The following LINGO2 variants were observed in gnomAD, a reference collection of about 807,000 sequenced individuals.
LINGO2 encodes the protein leucine rich repeat and Ig domain containing 2, also known as leucine-rich repeat and immunoglobulin-like domain-containing nogo receptor-interacting protein 2.
A neutral mutation model predicts 30.6 loss-of-function variants in LINGO2; 14 were observed. The ratio of observed to expected loss-of-function variants is 0.46; its 90% CI spans 0.30 to 0.72. The LOEUF (loss-of-function observed/expected upper bound fraction) is 0.72, where lower values mean the gene tolerates loss of function less well. LINGO2 is among the 30% of genes least tolerant of loss of function. The probability of loss-of-function intolerance (pLI) is 0.07; values close to 1 mark genes in which losing one functional copy is unlikely to be tolerated. For missense variants in LINGO2, 729 were observed against 751.7 expected (o/e 0.97, Z 0.35); for synonymous variants, 317 against 288.5 (o/e 1.10, Z -1.00).
chr9:28,136,369 A>T (rs1324963828), intron 4 of LINGO2, among the ~76,000 whole-genome samples: 2 of 152,226 alleles, frequency 1.3e-5, no homozygotes, highest in Non-Finnish European at 2.9e-5. Context: ...GACACTATCC[A>T]GGTTCCCACA....
chr9:28,756,343 C>G, the LINGO2 span, among the ~76,000 whole-genome samples: 6 of 151,946 alleles, frequency 3.9e-5, no homozygotes, highest in East Asian at 1.2e-3. Flanking sequence ...TGCCTGTACC[C>G]TCAATGTGTC....
intron 2 of LINGO2, among the ~76,000 whole-genome samples, chr9:28,437,945 T>G (rs2134996497): frequency 6.6e-6 from 1 of 152,322 alleles, no homozygotes; most frequent in African/African-American, 2.4e-5. Flanking sequence ...AATGTATTTC[T>G]TACAAAGAAA....
At chr9:28,055,030 T>C (rs1009848691) in intron 4 of LINGO2, among the ~76,000 whole-genome samples, 5 of 142,522 alleles carry the variant, frequency 3.5e-5, no homozygotes, top group Admixed American at 2.1e-4. Flanking sequence ...CGCACAAACT[T>C]GCAAAAAAAA....
intron 4 of LINGO2, among the ~76,000 whole-genome samples, chr9:28,282,064 G>A (rs1206834433): frequency 1.3e-5 from 2 of 152,134 alleles, no homozygotes. Context: ...CATGCCAGAT[G>A]TAGAGGCCAG....
intron 4 of LINGO2, among the ~76,000 whole-genome samples, chr9:28,024,082 A>G (rs981457295): frequency 7.2e-5 from 11 of 152,072 alleles, no homozygotes; most frequent in Non-Finnish European, 1.3e-4. Flanking sequence ...GTTTGCTCAG[A>G]TTTTTCTAGT....
the LINGO2 span, among the ~76,000 whole-genome samples, chr9:28,751,891 G>T: frequency 6.6e-6 from 1 of 152,012 alleles, no homozygotes; most frequent in Non-Finnish European, 1.5e-5. Flanking sequence ...CTACTGTTTT[G>T]CCATGAATAA....
the LINGO2 span, among the ~76,000 whole-genome samples, chr9:29,077,655 A>C: frequency 2.4e-4 from 37 of 152,026 alleles, no homozygotes; most frequent in African/African-American, 8.2e-4. Flanking sequence ...TAAAACAAAA[A>C]CTGAAACAGA....
At chr9:28,043,248 C>T (rs913450414) in intron 4 of LINGO2, among the ~76,000 whole-genome samples, 9 of 152,188 alleles carry the variant, frequency 5.9e-5, no homozygotes, top group African/African-American at 1.9e-4. Flanking sequence ...GATAAAACTG[C>T]GGTAAGAAGT....
chr9:28,546,750 C>G (rs1331579770), intron 1 of LINGO2, among the ~76,000 whole-genome samples: 1 of 152,042 alleles, frequency 6.6e-6, no homozygotes, highest in African/African-American at 2.4e-5. Context: ...GAAAGAGACT[C>G]TGTTTCTGAC....
chr9:28,721,439 G>C, the LINGO2 span, among the ~76,000 whole-genome samples: 3 of 152,104 alleles, frequency 2.0e-5, no homozygotes, highest in Non-Finnish European at 4.4e-5. Context: ...ACTGGATAAA[G>C]AAAATGTGGC....
At chr9:28,838,143 AC>A in the LINGO2 span, among the ~76,000 whole-genome samples, 1 of 152,010 alleles carries the variant, frequency 6.6e-6, no homozygotes, top group African/African-American at 2.4e-5. Flanking sequence ...TTCCCTTTTC[AC>A]CCCCATTTTG....
At chr9:29,017,666 A>C in the LINGO2 span, among the ~76,000 whole-genome samples, 2 of 152,078 alleles carry the variant, frequency 1.3e-5, no homozygotes, top group African/African-American at 4.8e-5. Flanking sequence ...AGAGAAGAAC[A>C]AAACTGGGCA....
intron 4 of LINGO2, among the ~76,000 whole-genome samples, chr9:28,043,520 AAC>A (rs1370775800): frequency 1.3e-5 from 2 of 152,188 alleles, no homozygotes; most frequent in African/African-American, 4.8e-5. Context: ...ATATTAGAAA[AAC>A]AACACTCCCT....
At chr9:28,068,704 T>G (rs748145979) in intron 4 of LINGO2, among the ~76,000 whole-genome samples, 13 of 152,316 alleles carry the variant, frequency 8.5e-5, no homozygotes, top group Admixed American at 1.3e-4. Flanking sequence ...GCAGAAATTT[T>G]TATTTCCATC....
At chr9:28,598,436 A>AAAC (rs772556380) in intron 1 of LINGO2, among the ~76,000 whole-genome samples, 14,195 of 127,928 alleles carry the variant, frequency 0.11, 954 homozygotes, top group Middle Eastern at 0.18. Flanking sequence ...AAAAAAAAAC[A>AAAC]AAACAAACAA....
intron 5 of LINGO2, among the ~76,000 whole-genome samples, chr9:27,970,008 A>G (rs1820279135): frequency 6.6e-6 from 1 of 152,224 alleles, no homozygotes; most frequent in Non-Finnish European, 1.5e-5. Flanking sequence ...TTTCAGCTTT[A>G]TCAAGGCCTC....
chr9:29,001,454 A>G, the LINGO2 span, among the ~76,000 whole-genome samples: 3 of 152,028 alleles, frequency 2.0e-5, no homozygotes, highest in Admixed American at 6.6e-5. Flanking sequence ...CACTGCATAG[A>G]TAAGATCATA....
chr9:29,055,362 T>A, the LINGO2 span, among the ~76,000 whole-genome samples: 1 of 152,214 alleles, frequency 6.6e-6, no homozygotes, highest in Non-Finnish European at 1.5e-5. Flanking sequence ...TTCATCATGT[T>A]ATTGCATATG....
At chr9:28,302,026 T>C (rs979767777) in intron 3 of LINGO2, among the ~76,000 whole-genome samples, 2 of 152,166 alleles carry the variant, frequency 1.3e-5, no homozygotes, top group African/African-American at 4.8e-5. Context: ...TAAGCAAATA[T>C]AGAGGGAGTT....
Sources: gnomAD v4.1 joint callset for allele counts (sites outside exome capture counted in the v4.1 genomes callset) on GRCh38, gnomAD v4.1.1 for gene constraint, MANE v1.5 for transcripts, NCBI Gene and HGNC (gene_info 2026-07-23, HGNC 2026-07-21) for gene names.